Variants in SHANK2 observed in about 807,000 individuals in gnomAD.
SHANK2 encodes SH3 and multiple ankyrin repeat domains 2.
A neutral mutation model predicts 133.7 loss-of-function variants in SHANK2; 43 were observed. That is an observed-to-expected ratio of 0.32 (90% CI 0.25 to 0.41). The LOEUF (loss-of-function observed/expected upper bound fraction) is 0.41. Ranked by LOEUF, SHANK2 falls within the 10% of genes least tolerant of loss-of-function variation. The pLI is 1.00. For synonymous variants in SHANK2, 1,017 were observed against 952.8 expected, an observed-to-expected ratio of 1.07 and a Z score of -1.24; for missense variants, 1,994 against 2,235.8, an observed-to-expected ratio of 0.89 and a Z score of 2.18.
At chr11:71,142,630 T>C (rs782121223) in intron 3 of SHANK2, among the ~76,000 whole-genome samples, 6 of 152,182 alleles carry the variant, frequency 3.9e-5, no homozygotes, top group Non-Finnish European at 8.8e-5. Context: ...TTACTATCCC[T>C]GAAATAAAGG....
intron 25 of SHANK2, among the ~76,000 whole-genome samples, chr11:70,480,428 C>T (rs958715145): frequency 1.2e-4 from 18 of 152,198 alleles, no homozygotes; most frequent in Non-Finnish European, 2.4e-4. Context: ...CTCTTCTGCA[C>T]GTGGTTATTT....
At chr11:70,513,004 T>A (rs782182178) in intron 17 of SHANK2, among the ~76,000 whole-genome samples, 5 of 152,292 alleles carry the variant, frequency 3.3e-5, no homozygotes, top group Middle Eastern at 3.4e-3. Context: ...GTAATAGCTA[T>A]AAAATCTAGA....
intron 14 of SHANK2, among the ~76,000 whole-genome samples, chr11:70,735,174 G>A (rs1200194555): frequency 6.6e-6 from 1 of 152,190 alleles, no homozygotes; most frequent in African/African-American, 2.4e-5. Flanking sequence ...CTGTGTTCAA[G>A]GGACTATCTT....
At chr11:70,515,184 A>G (rs2059249011) in intron 17 of SHANK2, among the ~76,000 whole-genome samples, 1 of 152,102 alleles carries the variant, frequency 6.6e-6, no homozygotes, top group African/African-American at 2.4e-5. Flanking sequence ...GAGACCACAG[A>G]TGCATGTCAC....
chr11:70,492,385 T>C lies in SHANK2; in HGVS notation c.2389A>G (p.Ile797Val). Reference protein sequence around the residue: ...NMAVEPRVATIKQRPSSRCFP... With the variant: ...NMAVEPRVATVKQRPSSRCFP... Reference sequence around the variant, plus strand: ...CACCGGCTGCTGGGCCGCTGCTTGATGGTCGCCACCCTCGGTTCCACAGCC... The same window carrying C: ...CACCGGCTGCTGGGCCGCTGCTTGACGGTCGCCACCCTCGGTTCCACAGCC... Residue 797 changes from isoleucine (I) to valine (V), a missense_variant, in exon 22 of 26, where the codon ATC becomes GTC. Physicochemically the swap from Ile to Val is conservative, Grantham distance 29 (BLOSUM62 3). Coordinates refer to ENST00000601538, the MANE Select transcript of SHANK2 (RefSeq NM_012309.5). The C allele has an allele frequency of 1.2e-6, 2 of 1,613,418 alleles. No homozygotes were observed. Among genetic ancestry groups the C allele is most frequent in the Non-Finnish European group, 1.7e-6 (2 of 1,180,022 alleles).
chr11:71,207,801 C>T (rs1372179955), intron 2 of SHANK2, among the ~76,000 whole-genome samples: 1 of 152,088 alleles, frequency 6.6e-6, no homozygotes, highest in Non-Finnish European at 1.5e-5. Context: ...CAGTGTGACA[C>T]CGTCACTGGA....
intron 13 of SHANK2, among the ~76,000 whole-genome samples, chr11:70,801,267 G>A (rs1307042912): frequency 6.6e-6 from 1 of 152,220 alleles, no homozygotes; most frequent in Non-Finnish European, 1.5e-5. Flanking sequence ...ATGAAAGGCT[G>A]TTTCCAATGG....
At chr11:71,179,338 T>C (rs1953508052) in intron 2 of SHANK2, among the ~76,000 whole-genome samples, 1 of 152,186 alleles carries the variant, frequency 6.6e-6, no homozygotes, top group Non-Finnish European at 1.5e-5. Flanking sequence ...CAAACCATAT[T>C]AACAAACAAA....
intron 9 of SHANK2, among the ~76,000 whole-genome samples, chr11:71,067,088 T>C (rs1164285282): frequency 6.6e-6 from 1 of 152,040 alleles, no homozygotes; most frequent in African/African-American, 2.4e-5. Context: ...CCACCAGAGC[T>C]GGGGGAGGTG....
At chr11:70,489,713 T>G (rs1426458905) in intron 23 of SHANK2, 11 of 340,712 alleles carry the variant, frequency 3.2e-5, no homozygotes, top group South Asian at 1.8e-4. Context: ...GGGTCAAGTG[T>G]GACCTTGTCT....
At chr11:70,910,023 TTC>T (rs375755664) in intron 10 of SHANK2, among the ~76,000 whole-genome samples, 32 of 152,254 alleles carry the variant, frequency 2.1e-4, no homozygotes, top group Admixed American at 5.9e-4. Context: ...CTGGGCCGCC[TTC>T]TCTCTGTGTC....
chr11:70,934,766 G>C (rs564346654), intron 10 of SHANK2, among the ~76,000 whole-genome samples: 1 of 152,346 alleles, frequency 6.6e-6, no homozygotes, highest in South Asian at 2.1e-4. Flanking sequence ...CCACGTGTGG[G>C]TAAATCACGA....
At chr11:71,102,232 C>A (rs1951726196) in intron 6 of SHANK2, among the ~76,000 whole-genome samples, 2 of 152,040 alleles carry the variant, frequency 1.3e-5, no homozygotes, top group Non-Finnish European at 1.5e-5. Context: ...GGAGAAGAGG[C>A]CTGAGACTCT....
At chr11:70,661,553 A>T (rs782006993) in intron 16 of SHANK2, 43 bp downstream of exon 16, 1 of 1,351,268 alleles carries the variant, frequency 7.4e-7, no homozygotes, top group Non-Finnish European at 1.0e-6. Flanking sequence ...ACACACACAC[A>T]CAAACATGGG....
In SHANK2 at chr11:70,894,241, G is replaced by A. The variant is rs552635394; in HGVS notation, c.1174+2260C>T. Among the ~76,000 whole-genome samples the A allele has an allele frequency of 2.0e-5, 3 of 152,226 alleles. No homozygotes were observed. In the East Asian group the frequency reaches 5.8e-4, roughly 29 times the overall value. ...ACAGAGTTTAGCTCTTGTTGCCCAG[G>A]CTGTAGTGCAGTCTCGGCTCACTGC... On this transcript the variant is annotated intron_variant, in intron 11 of 25. Transcript: ENST00000601538.
chr11:71,175,545 G>GGAGGGA lies in SHANK2; in HGVS notation c.-12-28208_-12-28207insTCCCTC, dbSNP rs1953416675. 1.3e-5 allele frequency among the ~76,000 whole-genome samples: 1 copy of GGAGGGA among 79,306 alleles called. No homozygotes were observed. Among genetic ancestry groups the GGAGGGA allele is most frequent in the Non-Finnish European group, 2.6e-5 (1 of 37,852 alleles). 52.0% of individuals were successfully genotyped at this position (79,306 alleles called of 152,430 possible). On this transcript the variant is annotated intron_variant, in intron 2 of 25. Coordinates refer to ENST00000601538, the MANE Select transcript of SHANK2 (RefSeq NM_012309.5). The surrounding 1 kb of genome is among the most constrained non-coding windows in gnomAD (Gnocchi z 4.2). Reference sequence around the variant, plus strand: ...GACAGACAGACAGACAGAGGGAGAGGGAGAGGGAGAGAGAGAGAGAGAGAG... The same window carrying GGAGGGA: ...GACAGACAGACAGACAGAGGGAGAGGGAGGGAGAGAGGGAGAGAGAGAGAGAGAGAG...
chr11:70,922,898 T>TAAAC (rs201296550), intron 10 of SHANK2, among the ~76,000 whole-genome samples: 101 of 151,734 alleles, frequency 6.7e-4, no homozygotes, highest in African/African-American at 1.6e-3. Context: ...CCCTATACTT[T>TAAAC]AAACAAACAA....
chr11:70,705,112 A>T (rs1555024599), intron 14 of SHANK2: 1 of 152,254 alleles, frequency 6.6e-6, no homozygotes, highest in East Asian at 1.9e-4. Flanking sequence ...AATGAGAAAG[A>T]AACTTTTGTT....
intron 14 of SHANK2, among the ~76,000 whole-genome samples, chr11:70,792,394 G>GCCAACCAACCAGCCAACCAGCCAA (rs1947812739): frequency 1.4e-5 from 2 of 144,082 alleles, no homozygotes; most frequent in African/African-American, 2.6e-5. Flanking sequence ...CAGCCAACCA[G>GCCAACCAACCAGCCAACCAGCCAA]CCAACCAACC....
Sources: allele counts gnomAD v4.1 joint callset (sites outside exome capture counted in the v4.1 genomes callset), GRCh38; gene constraint gnomAD v4.1.1; non-coding constraint Gnocchi (gnomAD v3.1); transcripts MANE v1.5; gene names NCBI Gene and HGNC (gene_info 2026-07-23, HGNC 2026-07-21).